LRRC4C: variants seen among roughly 807,000 people sequenced by gnomAD.
LRRC4C encodes leucine rich repeat containing 4C, also known as leucine-rich repeat-containing protein 4C.
In LRRC4C, 5 loss-of-function variants were observed where a neutral mutation model predicts 33.6. The observed-to-expected ratio is 0.15, with a 90% CI of 0.08 to 0.31. The LOEUF is 0.31. Ranked by LOEUF, LRRC4C falls within the 10% of genes least tolerant of loss-of-function variation. LRRC4C has a pLI of 1.00. For missense variants in LRRC4C, 560 were observed against 796.7 expected (o/e 0.70, Z 3.58); for synonymous variants, 329 against 302.0 (o/e 1.09, Z -0.93).
At chr11:40,658,674 T>TG (rs1010684891) in intron 2 of LRRC4C, among the ~76,000 whole-genome samples, 14 of 152,346 alleles carry the variant, frequency 9.2e-5, no homozygotes, top group East Asian at 5.8e-4. Flanking sequence ...GGTTCCTCTC[T>TG]GGGGGTCCTT....
intron 2 of LRRC4C, among the ~76,000 whole-genome samples, chr11:40,922,438 A>C (rs1164445987): frequency 6.6e-6 from 1 of 152,172 alleles, no homozygotes; most frequent in Admixed American, 6.5e-5. Context: ...TAGAGGAAAA[A>C]TAAAGTTGCT....
At chr11:40,368,437 G>T (rs1377632302) in intron 3 of LRRC4C, among the ~76,000 whole-genome samples, 1 of 152,044 alleles carries the variant, frequency 6.6e-6, no homozygotes, top group African/African-American at 2.4e-5. Context: ...CCATAATAAA[G>T]TTAACCATAA....
chr11:40,858,201 A>C (rs1953896277), intron 2 of LRRC4C, among the ~76,000 whole-genome samples: 1 of 152,200 alleles, frequency 6.6e-6, no homozygotes, highest in Non-Finnish European at 1.5e-5. Context: ...GTATTAGTGC[A>C]AAACTATACA....
intron 1 of LRRC4C, among the ~76,000 whole-genome samples, chr11:41,203,902 C>T (rs1485345692): frequency 6.6e-6 from 1 of 152,188 alleles, no homozygotes; most frequent in East Asian, 1.9e-4. Flanking sequence ...TGGAAAATCG[C>T]TGACAGGTGA....
intron 3 of LRRC4C, among the ~76,000 whole-genome samples, chr11:40,443,961 T>C (rs1590753964): frequency 6.6e-6 from 1 of 152,206 alleles, no homozygotes; most frequent in Non-Finnish European, 1.5e-5. Context: ...GGAATTCACA[T>C]TGTAAAAAAG....
chr11:41,036,399 C>T (rs901341812), intron 1 of LRRC4C, among the ~76,000 whole-genome samples: 10 of 151,752 alleles, frequency 6.6e-5, no homozygotes, highest in Non-Finnish European at 1.5e-4. Context: ...TCACTTTCTT[C>T]CTTTCTCTCA....
At chr11:41,307,703 TC>T (rs759917827) in intron 1 of LRRC4C, among the ~76,000 whole-genome samples, 5 of 152,140 alleles carry the variant, frequency 3.3e-5, no homozygotes, top group African/African-American at 4.8e-5. Context: ...CCTGGGCTTT[TC>T]CCACGTGCAT....
chr11:40,629,414 T>C (rs997690666), intron 3 of LRRC4C, among the ~76,000 whole-genome samples: 2 of 152,176 alleles, frequency 1.3e-5, no homozygotes, highest in African/African-American at 2.4e-5. Flanking sequence ...TTCTAAAATG[T>C]GGCTTTCTCA....
At chr11:40,247,416 C>T (rs2861891) in intron 4 of LRRC4C, among the ~76,000 whole-genome samples, 113,490 of 152,106 alleles carry the variant, frequency 0.75, 46,279 homozygotes, top group East Asian at 0.95. Context: ...GTTTTCAGAT[C>T]GCAATGGGTT....
chr11:40,559,462 G>A (rs1957462789), intron 3 of LRRC4C, among the ~76,000 whole-genome samples: 1 of 152,132 alleles, frequency 6.6e-6, no homozygotes, highest in Non-Finnish European at 1.5e-5. Context: ...TGGGATTACA[G>A]GCTGGAGCCA....
rs149994314 is a variant in LRRC4C at position 41,100,678 on chromosome 11, T to C, written c.-495-166955A>G. The stretch of plus-strand genomic sequence containing the variant: ...AAACCAATGACATTCTTCACAGAAC[T>C]AGAAGAAAACTATTTTAAAATTCAC... On this transcript the variant is annotated intron_variant, in intron 1 of 6. Coordinates refer to ENST00000528697, the MANE Select transcript of LRRC4C (RefSeq NM_001258419.2). Among the ~76,000 whole-genome samples, 646 of 152,230 alleles carry C rather than the reference T, an allele frequency of 4.2e-3. 3 individuals are homozygous for C. The highest frequency in any genetic ancestry group is 0.015 in the African/African-American group (621 of 41,524).
At chr11:40,209,567 G>T (rs574035257) in intron 5 of LRRC4C, among the ~76,000 whole-genome samples, 1 of 152,136 alleles carries the variant, frequency 6.6e-6, no homozygotes, top group East Asian at 1.9e-4. Context: ...TTTTGAGATG[G>T]AGTCTCGCTC....
chr11:40,973,147 A>T (rs1397061874), intron 1 of LRRC4C, among the ~76,000 whole-genome samples: 1 of 152,114 alleles, frequency 6.6e-6, no homozygotes, highest in Non-Finnish European at 1.5e-5. Flanking sequence ...CAGCCTGCAG[A>T]TCCATGAGCC....
chr11:40,417,117 G>A (rs1565367122), intron 3 of LRRC4C, among the ~76,000 whole-genome samples: 1 of 152,170 alleles, frequency 6.6e-6, no homozygotes, highest in Non-Finnish European at 1.5e-5. Context: ...GATAGACTTT[G>A]TTTCATTAGC....
At chr11:40,962,617 C>T (rs957501252) in intron 1 of LRRC4C, among the ~76,000 whole-genome samples, 3 of 151,804 alleles carry the variant, frequency 2.0e-5, no homozygotes, top group Admixed American at 6.6e-5. Flanking sequence ...TGTTAAAGCA[C>T]TTAAGACATG....
chr11:40,461,409 T>C (rs1774567303), intron 3 of LRRC4C, among the ~76,000 whole-genome samples: 1 of 152,118 alleles, frequency 6.6e-6, no homozygotes. Context: ...AGTTGTAACT[T>C]TCTAGTGTCT....
At chr11:40,681,843 G>T (rs959912620) in intron 2 of LRRC4C, among the ~76,000 whole-genome samples, 1 of 152,164 alleles carries the variant, frequency 6.6e-6, no homozygotes, top group African/African-American at 2.4e-5. Flanking sequence ...AGTAACTCAG[G>T]AATGGAAAAC....
chr11:40,736,813 T>C (rs1591590030), intron 2 of LRRC4C, among the ~76,000 whole-genome samples: 1 of 152,146 alleles, frequency 6.6e-6, no homozygotes, highest in Non-Finnish European at 1.5e-5. Flanking sequence ...AATGTCATCT[T>C]TTGAGAAGTG....
intron 3 of LRRC4C, among the ~76,000 whole-genome samples, chr11:40,646,753 C>T (rs1376352832): frequency 6.6e-6 from 1 of 151,998 alleles, no homozygotes; most frequent in Non-Finnish European, 1.5e-5. Context: ...ACTACAGGCG[C>T]CCACCACCGC....
Sources: allele counts gnomAD v4.1 joint callset (sites outside exome capture counted in the v4.1 genomes callset), GRCh38; gene constraint gnomAD v4.1.1; transcripts MANE v1.5; gene names NCBI Gene and HGNC (gene_info 2026-07-23, HGNC 2026-07-21).